SLC25A13: variants seen among roughly 807,000 people sequenced by gnomAD.
The protein encoded by SLC25A13 is solute carrier family 25 member 13.
In SLC25A13, 70 loss-of-function variants were observed where a neutral mutation model predicts 85.5. The observed-to-expected ratio is 0.82, with a 90% CI of 0.68 to 1.00. The LOEUF (loss-of-function observed/expected upper bound fraction) is 1.00. Among genes scored for constraint, SLC25A13 ranks in the 50% least tolerant of loss-of-function variants. SLC25A13 has a pLI of 0.00. For missense variants in SLC25A13, 765 were observed against 819.8 expected (o/e 0.93, Z 0.82); for synonymous variants, 259 against 288.7 (o/e 0.90, Z 1.04).
intron 3 of SLC25A13, among the ~76,000 whole-genome samples, chr7:96,236,591 A>G (rs1796752808): frequency 6.6e-6 from 1 of 152,160 alleles, no homozygotes; most frequent in African/African-American, 2.4e-5. Context: ...ATCTACTTCA[A>G]CCTCCTCATT....
intron 1 of SLC25A13, among the ~76,000 whole-genome samples, chr7:96,319,221 G>A (rs909194589): frequency 2.0e-5 from 3 of 152,118 alleles, no homozygotes; most frequent in Non-Finnish European, 2.9e-5. Context: ...TGGTCACAAG[G>A]TAGATTCAAA....
chr7:96,210,124 C>G (rs968827002), intron 4 of SLC25A13, among the ~76,000 whole-genome samples: 4 of 152,108 alleles, frequency 2.6e-5, no homozygotes, highest in Non-Finnish European at 4.4e-5. Context: ...ATTTTTAAAG[C>G]CTTGTCATGA....
intron 4 of SLC25A13, among the ~76,000 whole-genome samples, chr7:96,215,524 T>C (rs1015397410): frequency 2.6e-5 from 4 of 152,048 alleles, no homozygotes; most frequent in African/African-American, 9.7e-5. Flanking sequence ...TTATAGTCAA[T>C]TGATTTCCAA....
intron 15 of SLC25A13, among the ~76,000 whole-genome samples, chr7:96,122,410 G>A (rs1031595256): frequency 1.3e-5 from 2 of 152,126 alleles, no homozygotes; most frequent in East Asian, 1.9e-4. Flanking sequence ...AGCTTGTTAT[G>A]CGTTTCCTCT....
At chr7:96,186,002 TTTTTG>T (rs999243722) in intron 9 of SLC25A13, among the ~76,000 whole-genome samples, 4 of 152,238 alleles carry the variant, frequency 2.6e-5, no homozygotes, top group African/African-American at 9.6e-5. Context: ...TGTATTTTTG[TTTTTG>T]TTTTAAGTGG....
intron 3 of SLC25A13, among the ~76,000 whole-genome samples, chr7:96,270,566 A>T (rs1360068299): frequency 6.6e-6 from 1 of 151,936 alleles, no homozygotes; most frequent in Non-Finnish European, 1.5e-5. Context: ...AAAAAAAAAA[A>T]AAAGAGAAAT....
chr7:96,249,955 G>T (rs182589252), intron 3 of SLC25A13, among the ~76,000 whole-genome samples: 2 of 151,364 alleles, frequency 1.3e-5, no homozygotes, highest in African/African-American at 4.8e-5. Context: ...AGGCTAAGGC[G>T]GGCGGATCAT....
intron 3 of SLC25A13, among the ~76,000 whole-genome samples, chr7:96,268,110 G>T (rs1409781553): frequency 1.3e-5 from 2 of 152,140 alleles, no homozygotes; most frequent in Non-Finnish European, 2.9e-5. Flanking sequence ...CCCTCAGTAA[G>T]TCAGGCACTC....
intron 13 of SLC25A13, among the ~76,000 whole-genome samples, chr7:96,159,070 A>C: frequency 6.6e-6 from 1 of 152,216 alleles, no homozygotes; most frequent in East Asian, 1.9e-4. Context: ...CAAGTGCTGA[A>C]GACGGCATTC....
chr7:96,249,179 A>G (rs948612487), intron 3 of SLC25A13, among the ~76,000 whole-genome samples: 5 of 152,196 alleles, frequency 3.3e-5, no homozygotes, highest in Non-Finnish European at 7.3e-5. Context: ...TTCTGCTTAC[A>G]ATATGCTGAT....
At chr7:96,161,438 TC>T (rs1463614482) in intron 13 of SLC25A13, among the ~76,000 whole-genome samples, 2 of 152,208 alleles carry the variant, frequency 1.3e-5, no homozygotes, top group African/African-American at 4.8e-5. Context: ...TCACTACCCT[TC>T]CTTTCCAAAT....
chr7:96,171,460 C>G lies in SLC25A13; in HGVS notation c.1230+12G>C. 1 of 1,611,502 alleles carries G rather than the reference C, an allele frequency of 6.2e-7. No individual in the cohort carries two copies. Among genetic ancestry groups the G allele is most frequent in the Non-Finnish European group, 8.5e-7 (1 of 1,177,712 alleles). Reference sequence around the variant, plus strand: ...AATCCCTTAATAAGAAGCACCAACTCAAAAGACTTACTGTAAGTTTTATGG... The same window carrying G: ...AATCCCTTAATAAGAAGCACCAACTGAAAAGACTTACTGTAAGTTTTATGG... On this transcript the variant is annotated intron_variant, in intron 12 of 17. Transcript: ENST00000265631.
intron 4 of SLC25A13, among the ~76,000 whole-genome samples, chr7:96,212,062 C>T (rs1043031910): frequency 3.4e-5 from 5 of 148,330 alleles, no homozygotes; most frequent in Non-Finnish European, 7.4e-5. Flanking sequence ...CCAGACCAAG[C>T]AGTGTAATGC....
chr7:96,154,817 A>G (rs74990076), intron 13 of SLC25A13, among the ~76,000 whole-genome samples: 5 of 146,536 alleles, frequency 3.4e-5, no homozygotes, highest in Non-Finnish European at 5.9e-5. Flanking sequence ...TTTTTTTTTA[A>G]GACAGAGTCT....
chr7:96,125,920 C>T (rs1420645486), intron 15 of SLC25A13, among the ~76,000 whole-genome samples: 2 of 152,044 alleles, frequency 1.3e-5, no homozygotes, highest in Non-Finnish European at 2.9e-5. Context: ...TCTCTGAGGA[C>T]TCTAATTAAT....
chr7:96,193,000 GAGTT>G (rs775701231), intron 6 of SLC25A13, 33 bp downstream of exon 6: 51 of 1,606,950 alleles, frequency 3.2e-5, no homozygotes. Flanking sequence ...CTTATTTACT[GAGTT>G]AAACCACTTC....
chr7:96,317,140 G>A (rs1800159120), intron 1 of SLC25A13, among the ~76,000 whole-genome samples: 1 of 151,854 alleles, frequency 6.6e-6, no homozygotes, highest in South Asian at 2.1e-4. Flanking sequence ...CCGGCTAATT[G>A]TTTCCTATTT....
intron 1 of SLC25A13, among the ~76,000 whole-genome samples, chr7:96,314,098 A>G (rs2117032189): frequency 6.6e-6 from 1 of 152,222 alleles, no homozygotes; most frequent in African/African-American, 2.4e-5. Context: ...AGAAAGAAGA[A>G]GGAAGGAGAA....
chr7:96,211,726 C>T (rs908571117), intron 4 of SLC25A13, among the ~76,000 whole-genome samples: 7 of 152,148 alleles, frequency 4.6e-5, no homozygotes, highest in Non-Finnish European at 8.8e-5. Context: ...TTAAGGACAG[C>T]GGTATTAACC....
Sources: allele counts gnomAD v4.1 joint callset (sites outside exome capture counted in the v4.1 genomes callset), GRCh38; gene constraint gnomAD v4.1.1; transcripts MANE v1.5; gene names NCBI Gene and HGNC (gene_info 2026-07-23, HGNC 2026-07-21).